The following PPP2R2D variants were observed in gnomAD, a reference collection of about 807,000 sequenced individuals.
PPP2R2D encodes the protein serine/threonine-protein phosphatase 2A 55 kDa regulatory subunit B delta isoform.
PPP2R2D carries 9 observed loss-of-function variants against 31.1 expected under a neutral mutation model. The ratio of observed to expected loss-of-function variants is 0.29; its 90% CI spans 0.17 to 0.51. The LOEUF (loss-of-function observed/expected upper bound fraction) is 0.51, where lower values mean the gene tolerates loss of function less well. Among genes scored for constraint, PPP2R2D ranks in the 20% least tolerant of loss-of-function variants. The pLI is 0.98. For synonymous variants in PPP2R2D, 179 were observed against 172.6 expected (o/e 1.04, Z -0.29); for missense variants, 391 against 465.6 (o/e 0.84, Z 1.48).
At chr10:131,903,721 G>T (rs2035538658) in intron 2 of PPP2R2D, among the ~76,000 whole-genome samples, 1 of 152,192 alleles carries the variant, frequency 6.6e-6, no homozygotes, top group Non-Finnish European at 1.5e-5. Context: ...AACCCATCCA[G>T]ATTAACACAT....
intron 2 of PPP2R2D, among the ~76,000 whole-genome samples, chr10:131,930,339 C>G (rs919112752): frequency 6.6e-6 from 1 of 152,232 alleles, no homozygotes; most frequent in South Asian, 2.1e-4. Flanking sequence ...ACTCTGAGGC[C>G]TGCTGGCCGC....
chr10:131,947,880 C>A lies in PPP2R2D; in HGVS notation c.1082+89C>A. The A allele has an allele frequency of 6.6e-7, 1 of 1,506,938 alleles. No homozygotes were observed. Among genetic ancestry groups the A allele is most frequent in the Non-Finnish European group, 9.1e-7 (1 of 1,103,688 alleles). 93.3% of individuals were successfully genotyped at this position (1,506,938 alleles called of 1,614,324 possible). A position where few individuals can be genotyped will look rare whatever the true frequency, so the allele number is the denominator to read the frequency against. ...GTGAGGGAGGCGAGCTGTCCTCCAG[C>A]GTCAGAGGAGGACGCTCATAGGGTG... On this transcript the variant is annotated intron_variant, in intron 8 of 8. Transcript: ENST00000455566. The surrounding 1 kb of genome is among the most constrained non-coding windows in gnomAD (Gnocchi z 4.3).
chr10:131,907,762 T>A (rs1187738506), intron 2 of PPP2R2D, among the ~76,000 whole-genome samples: 1 of 151,526 alleles, frequency 6.6e-6, no homozygotes, highest in Non-Finnish European at 1.5e-5. Context: ...AAAAAAAAGA[T>A]TCACAGACTC....
chr10:131,952,259 TAGC>T (rs1379370737), intron 8 of PPP2R2D, among the ~76,000 whole-genome samples: 3 of 107,812 alleles, frequency 2.8e-5, no homozygotes, highest in Non-Finnish European at 5.4e-5. Flanking sequence ...GTCCCTGTCT[TAGC>T]AGTGACTTGC....
downstream of PPP2R2D, among the ~76,000 whole-genome samples, chr10:131,961,195 G>A (rs556985199): frequency 1.6e-4 from 24 of 152,300 alleles, no homozygotes; most frequent in Middle Eastern, 3.4e-3. Flanking sequence ...TGGGCCTGGG[G>A]GCCTGGCGGG....
At position 131,956,472 on chromosome 10, in the gene PPP2R2D, C is replaced by T; in HGVS notation, c.*509C>T. ...GAGCAGGCTCAGGCGGCCCCACTCA[C>T]CCACAGCATCCGCCGCCACCCCTTC... On this transcript the variant is annotated 3_prime_UTR_variant, in exon 9 of 9. Transcript: ENST00000455566. The T allele has an allele frequency of 1.0e-6, 1 of 985,584 alleles. No homozygotes were observed. The highest frequency in any genetic ancestry group is 1.2e-6 in the Non-Finnish European group (1 of 830,070). 61.1% of individuals were successfully genotyped at this position (985,584 alleles called of 1,614,324 possible).
At chr10:131,969,371 GC>G in the PPP2R2D span, 2 of 152,140 alleles carry the variant, frequency 1.3e-5, no homozygotes, top group African/African-American at 4.8e-5. Flanking sequence ...CCGAGGCCTT[GC>G]CCCCAGAGTC....
intron 2 of PPP2R2D, chr10:131,911,580 C>T (rs1245650258): frequency 5.9e-5 from 9 of 152,234 alleles, no homozygotes; most frequent in South Asian, 2.1e-4. Flanking sequence ...GAGGAGAGCT[C>T]GGGGCTGCTG....
chr10:131,920,525 A>C (rs2035965077), intron 2 of PPP2R2D, among the ~76,000 whole-genome samples: 1 of 152,266 alleles, frequency 6.6e-6, no homozygotes, highest in Admixed American at 6.5e-5. Context: ...ATGATGTTTC[A>C]AAGGCTCAGC....
At chr10:131,924,837 C>T (rs2119817830) in intron 2 of PPP2R2D, among the ~76,000 whole-genome samples, 1 of 148,948 alleles carries the variant, frequency 6.7e-6, no homozygotes, top group Non-Finnish European at 1.5e-5. Context: ...TTTTTTTTTA[C>T]AATATTTTGC....
At chr10:131,955,639 C>T (rs919900881) in intron 8 of PPP2R2D, 45 bp from the exon 9 acceptor site, 1 of 1,357,808 alleles carries the variant, frequency 7.4e-7, no homozygotes, top group Admixed American at 2.9e-5. Flanking sequence ...CTTGCTGCCG[C>T]TCCCCCCACT....
chr10:131,947,797 G>T lies in PPP2R2D; in HGVS notation c.1082+6G>T. On this transcript the variant is annotated splice_donor_region_variant and intron_variant, in intron 8 of 8. Transcript: ENST00000455566. The surrounding 1 kb of genome is among the most constrained non-coding windows in gnomAD (Gnocchi z 4.3). ...TGCTGGAACGGTTCGGATAGGTAAG[G>T]CCTGCGTGGAGATGAGCTGTCGCCC... 1.2e-6 allele frequency: 2 copies of T among 1,609,064 alleles called. No homozygotes were observed. The highest frequency in any genetic ancestry group is 1.7e-6 in the Non-Finnish European group (2 of 1,175,766).
chr10:131,902,720 G>A (rs1175873942), intron 2 of PPP2R2D, among the ~76,000 whole-genome samples: 3 of 152,158 alleles, frequency 2.0e-5, no homozygotes, highest in Non-Finnish European at 4.4e-5. Context: ...AAGTGAGAGG[G>A]CTTAATGCTT....
At position 131,944,146 on chromosome 10, in the gene PPP2R2D, G is replaced by T. The variant is rs782751729; in HGVS notation, c.655+1G>T. On this transcript the variant is annotated splice_donor_variant, in intron 6 of 8. Transcript: ENST00000455566. LOFTEE classifies it high-confidence loss of function. ...TTAGAAATCACAGATAGAAGCTTTAGTATCCTTCCTCAGAGGGACACTGGC... is the reference window on the plus strand; with the variant it reads ...TTAGAAATCACAGATAGAAGCTTTATTATCCTTCCTCAGAGGGACACTGGC... 1 of 1,608,486 alleles carries T rather than the reference G, an allele frequency of 6.2e-7. No individual in the cohort carries two copies. The highest frequency in any genetic ancestry group is 8.5e-7 in the Non-Finnish European group (1 of 1,177,416).
rs1222285027 is a variant in PPP2R2D at position 131,957,542 on chromosome 10, C to T, written c.*1579C>T. ...TGGAGATGAAGGTGTGTGCTGATCCCCCGTGCCCCTGTGGAGATGAAGGTG... is the reference window on the plus strand; with the variant it reads ...TGGAGATGAAGGTGTGTGCTGATCCTCCGTGCCCCTGTGGAGATGAAGGTG... On this transcript the variant is annotated 3_prime_UTR_variant, in exon 9 of 9. Coordinates refer to ENST00000455566, the MANE Select transcript of PPP2R2D (RefSeq NM_018461.5). 1.6e-5 allele frequency: 3 copies of T among 189,806 alleles called. No individual in the cohort carries two copies. The South Asian group carries it at 2.3e-4, about 14-fold the overall frequency. The allele number at this position is 189,806 out of a possible 1,614,324, so 11.8% of individuals were successfully genotyped here. A position where few individuals can be genotyped will look rare whatever the true frequency, so the allele number is the denominator to read the frequency against.
chr10:131,961,360 C>A (rs544141974), downstream of PPP2R2D, among the ~76,000 whole-genome samples: 1 of 152,168 alleles, frequency 6.6e-6, no homozygotes, highest in African/African-American at 2.4e-5. Flanking sequence ...CCCAGCCCCA[C>A]AGGGCTGTCA....
At chr10:131,942,376 G>A (rs1158704374) in intron 5 of PPP2R2D, among the ~76,000 whole-genome samples, 1 of 152,232 alleles carries the variant, frequency 6.6e-6, no homozygotes, top group African/African-American at 2.4e-5. Context: ...TATTTCATTA[G>A]TTGGTGCATG....
At chr10:131,914,001 C>T (rs987169675) in intron 2 of PPP2R2D, among the ~76,000 whole-genome samples, 2 of 152,130 alleles carry the variant, frequency 1.3e-5, no homozygotes, top group Non-Finnish European at 2.9e-5. Flanking sequence ...ACCACTGCAC[C>T]GGCACACAGG....
intron 2 of PPP2R2D, among the ~76,000 whole-genome samples, chr10:131,929,627 G>A (rs1024570756): frequency 6.6e-6 from 1 of 152,058 alleles, no homozygotes; most frequent in Non-Finnish European, 1.5e-5. Flanking sequence ...AAACAGTGCA[G>A]CCTGAGGGGC....
Sources: gnomAD v4.1 joint callset for allele counts (sites outside exome capture counted in the v4.1 genomes callset) on GRCh38, gnomAD v4.1.1 for gene constraint, Gnocchi (gnomAD v3.1) non-coding constraint, MANE v1.5 for transcripts, NCBI Gene and HGNC (gene_info 2026-07-23, HGNC 2026-07-21) for gene names.